The following PAK6 variants were observed in gnomAD, a reference collection of about 807,000 sequenced individuals.
The protein encoded by PAK6 is p21 (RAC1) activated kinase 6.
PAK6 carries 33 observed loss-of-function variants against 60.8 expected under a neutral mutation model. That is an observed-to-expected ratio of 0.54 (90% CI 0.41 to 0.73). PAK6 has a LOEUF of 0.73. Ranked by LOEUF, PAK6 falls within the 30% of genes least tolerant of loss-of-function variation. The pLI, the probability that PAK6 is intolerant of heterozygous loss-of-function variation, is 0.00. For synonymous variants in PAK6, 404 were observed against 378.5 expected (o/e 1.07, Z -0.78); for missense variants, 845 against 904.1 (o/e 0.93, Z 0.84).
chr15:40,255,652 A>G (rs2038813698), intron 3 of PAK6, among the ~76,000 whole-genome samples: 1 of 152,110 alleles, frequency 6.6e-6, no homozygotes, highest in South Asian at 2.1e-4. Context: ...ACCTCTCCTG[A>G]CTCTCAAGTC....
At chr15:40,256,387 G>T (rs1023975596) in intron 3 of PAK6, among the ~76,000 whole-genome samples, 1 of 152,218 alleles carries the variant, frequency 6.6e-6, no homozygotes, top group African/African-American at 2.4e-5. Context: ...TGTGTGGGAT[G>T]ACAGTTCCCA....
chr15:40,239,385 C>T (rs1566839006), upstream of PAK6: 1 of 152,454 alleles, frequency 6.6e-6, no homozygotes, highest in African/African-American at 2.4e-5. Flanking sequence ...CACCGCCCGC[C>T]TCGAGCTGTT....
At chr15:40,270,239 C>T (rs2039263717) in intron 5 of PAK6, among the ~76,000 whole-genome samples, 2 of 152,196 alleles carry the variant, frequency 1.3e-5, no homozygotes, top group Admixed American at 6.5e-5. Context: ...CCTGGTATCA[C>T]AGCCTCAGTC....
chr15:40,267,072 G>GC (rs1357121432), intron 5 of PAK6: 1 of 152,618 alleles, frequency 6.6e-6, no homozygotes, highest in Non-Finnish European at 1.5e-5. Flanking sequence ...TGCCTGTCCG[G>GC]CCCGGGCCCT....
At chr15:40,243,567 C>A (rs962293967) in intron 2 of PAK6, among the ~76,000 whole-genome samples, 2 of 152,158 alleles carry the variant, frequency 1.3e-5, no homozygotes, top group African/African-American at 2.4e-5. Context: ...GTCAGAGGAA[C>A]AAAGTGCCAG....
At chr15:40,261,326 C>G (rs1320879672) in intron 3 of PAK6, among the ~76,000 whole-genome samples, 1 of 151,528 alleles carries the variant, frequency 6.6e-6, no homozygotes, top group Admixed American at 6.6e-5. Flanking sequence ...ATCATGAAGT[C>G]AAGAGATCGA....
At chr15:40,242,991 A>G (rs1177670923) in intron 2 of PAK6, among the ~76,000 whole-genome samples, 1 of 152,148 alleles carries the variant, frequency 6.6e-6, no homozygotes, top group Non-Finnish European at 1.5e-5. Context: ...AGGAAAGCTG[A>G]GCTGAGCGTG....
chr15:40,265,699 A>T, intron 4 of PAK6, 143 bp from the exon 5 acceptor site: 1 of 654,316 alleles, frequency 1.5e-6, no homozygotes, highest in Non-Finnish European at 2.4e-6. Context: ...TGGAAAAATT[A>T]ATGGGTGGAT....
chr15:40,274,564 C>T (rs7170576), intron 10 of PAK6, among the ~76,000 whole-genome samples: 10,626 of 152,264 alleles, frequency 0.07, 509 homozygotes, highest in Non-Finnish European at 0.094. Flanking sequence ...CCAGTGGGGC[C>T]CATGAGCAGG....
At chr15:40,265,983 C>A in exon 5 of PAK6, 1 of 1,602,958 alleles carries the variant, frequency 6.2e-7, no homozygotes, top group Non-Finnish European at 8.5e-7. Context: ...GTCCCTGGGG[C>A]TGCTGGGGGA....
At chr15:40,243,093 C>T (rs2038401707) in intron 2 of PAK6, among the ~76,000 whole-genome samples, 3 of 152,332 alleles carry the variant, frequency 2.0e-5, no homozygotes, top group South Asian at 2.1e-4. Context: ...TCCAACTCAT[C>T]GCTGAAGTTG....
chr15:40,265,803 T>C, intron 4 of PAK6, 39 bp from the exon 5 acceptor site: 1 of 1,492,076 alleles, frequency 6.7e-7, no homozygotes, highest in Non-Finnish European at 8.9e-7. Flanking sequence ...CTGCCACAAT[T>C]GGGCAGCTCC....
At chr15:40,271,355 T>G (rs2039296111) in intron 5 of PAK6, among the ~76,000 whole-genome samples, 1 of 152,136 alleles carries the variant, frequency 6.6e-6, no homozygotes, top group Non-Finnish European at 1.5e-5. Flanking sequence ...CAGCTCCACC[T>G]TCCCTTCCTC....
chr15:40,277,362 G>A (rs1005286242), exon 11 of PAK6: 15 of 152,478 alleles, frequency 9.8e-5, no homozygotes, highest in Admixed American at 5.9e-4. Flanking sequence ...CTACCTGGGG[G>A]CAAAGAAATT....
At position 40,266,032 on chromosome 15, in the gene PAK6, GC is replaced by G; in HGVS notation, c.400del (p.Gln134SerfsTer84). The G allele has an allele frequency of 1.2e-6, 2 of 1,604,114 alleles. No homozygotes were observed. Among genetic ancestry groups the G allele is most frequent in the Non-Finnish European group, 8.5e-7 (1 of 1,176,172 alleles). ...ACCGACCCAGACATGTACCTCCAGA[GC>G]CCCCAGTCTGAGCGCACTGACCCCC... On this transcript the variant is annotated frameshift_variant, in exon 5 of 11. Transcript: ENST00000560346. LOFTEE classifies it high-confidence loss of function.
chr15:40,264,748 GGGA>G (rs768415932), intron 3 of PAK6, 30 bp from the exon 4 acceptor site: 16 of 1,598,598 alleles, frequency 1.0e-5, no homozygotes, highest in Middle Eastern at 1.7e-4. Flanking sequence ...CCTCTTTCCC[GGGA>G]GGGAGCTCAA....
At chr15:40,265,444 G>T (rs1006885574) in intron 4 of PAK6, among the ~76,000 whole-genome samples, 2 of 152,184 alleles carry the variant, frequency 1.3e-5, no homozygotes, top group Admixed American at 6.5e-5. Context: ...GCCAGTGTGT[G>T]TGGAGGAGCC....
Position 40,266,169 on chromosome 15 carries a change from C to T in PAK6, c.532C>T (p.Gln178Ter). The T allele has an allele frequency of 1.2e-6, 2 of 1,609,158 alleles. No homozygotes were observed. The highest frequency in any genetic ancestry group is 1.7e-6 in the Non-Finnish European group (2 of 1,179,756). The change falls in exon 5 of 11, where the codon CAG becomes TAG. Residue 178 changes from glutamine to a stop codon, truncating the protein, a stop_gained. Coordinates refer to ENST00000560346, the Ensembl canonical transcript of PAK6. LOFTEE classifies it high-confidence loss of function. ...GCCCAATGGGCTGGCTGCAAAGGCA[C>T]AGTCCCTGGGCCCCGCCGAGTTTCA...
intron 3 of PAK6, among the ~76,000 whole-genome samples, chr15:40,257,357 C>T (rs1279502446): frequency 6.6e-6 from 1 of 152,256 alleles, no homozygotes; most frequent in Non-Finnish European, 1.5e-5. Context: ...CCAGCCTCAG[C>T]GCGTTCTTGT....
Sources: allele counts gnomAD v4.1 joint callset (sites outside exome capture counted in the v4.1 genomes callset), GRCh38; gene constraint gnomAD v4.1.1; transcripts MANE v1.5; gene names NCBI Gene and HGNC (gene_info 2026-07-23, HGNC 2026-07-21).